MYO16: variants seen among roughly 807,000 people sequenced by gnomAD.
MYO16 encodes myosin XVI, also known as unconventional myosin-XVI.
MYO16 carries 94 observed loss-of-function variants against 205.3 expected under a neutral mutation model. That is an observed-to-expected ratio of 0.46 (90% CI 0.39 to 0.54). MYO16 has a LOEUF of 0.54. MYO16 is among the 20% of genes least tolerant of loss of function. The pLI, the probability that MYO16 is intolerant of heterozygous loss-of-function variation, is 0.00. For synonymous variants in MYO16, 988 were observed against 954.0 expected (o/e 1.04, Z -0.66); for missense variants, 2,315 against 2,387.5 (o/e 0.97, Z 0.63).
the MYO16 span, among the ~76,000 whole-genome samples, chr13:108,557,840 C>T: frequency 6.6e-6 from 1 of 152,124 alleles, no homozygotes. Context: ...ATGAGCATTA[C>T]ATATGCATTT....
intron 32 of MYO16, among the ~76,000 whole-genome samples, chr13:109,144,215 A>G (rs113865551): frequency 7.6e-4 from 115 of 152,180 alleles, no homozygotes; most frequent in African/African-American, 2.7e-3. Context: ...GGGTTTCACC[A>G]TGTTAGCCAG....
At chr13:108,835,864 G>A (rs546145987) in intron 9 of MYO16, among the ~76,000 whole-genome samples, 1 of 152,288 alleles carries the variant, frequency 6.6e-6, no homozygotes, top group South Asian at 2.1e-4. Flanking sequence ...AAGCAGCAAA[G>A]CGTTCAAAAG....
At chr13:108,807,622 C>T (rs184148319) in intron 7 of MYO16, among the ~76,000 whole-genome samples, 16 of 152,160 alleles carry the variant, frequency 1.1e-4, no homozygotes, top group Non-Finnish European at 2.1e-4. Flanking sequence ...TCAGTTTCTT[C>T]GAGGCTATCC....
chr13:108,726,626 A>G (rs991462299), intron 3 of MYO16, among the ~76,000 whole-genome samples: 1 of 152,150 alleles, frequency 6.6e-6, no homozygotes, highest in Non-Finnish European at 1.5e-5. Flanking sequence ...GAAGAGGCCA[A>G]TGCAAATAAA....
At chr13:109,033,898 G>A (rs904353496) in intron 23 of MYO16, among the ~76,000 whole-genome samples, 1 of 152,132 alleles carries the variant, frequency 6.6e-6, no homozygotes, top group Non-Finnish European at 1.5e-5. Context: ...CCTTGTAGGA[G>A]AGGAAGATAA....
chr13:108,516,165 A>T, the MYO16 span, among the ~76,000 whole-genome samples: 1 of 151,892 alleles, frequency 6.6e-6, no homozygotes, highest in Non-Finnish European at 1.5e-5. Context: ...CAGGTGTGGG[A>T]TATAGTCTCG....
At chr13:108,508,536 GT>G in the MYO16 span, among the ~76,000 whole-genome samples, 1 of 152,104 alleles carries the variant, frequency 6.6e-6, no homozygotes, top group East Asian at 1.9e-4. Flanking sequence ...AAGTATGCAA[GT>G]TTTGTCAGTA....
At chr13:108,519,490 G>C in the MYO16 span, among the ~76,000 whole-genome samples, 1 of 151,498 alleles carries the variant, frequency 6.6e-6, no homozygotes, top group African/African-American at 2.4e-5. Context: ...TAGTGGTTCT[G>C]TTCTCTTGAT....
intron 3 of MYO16, among the ~76,000 whole-genome samples, chr13:108,712,989 A>G (rs1000036096): frequency 1.3e-5 from 2 of 152,224 alleles, no homozygotes; most frequent in Admixed American, 6.5e-5. Context: ...ATAATATTGT[A>G]TCAATTATAC....
Position 109,047,868 on chromosome 13 carries a change from C to A in MYO16, c.2872+877C>A, listed in dbSNP as rs145064117. 3.0e-4 allele frequency among the ~76,000 whole-genome samples: 46 copies of A among 152,178 alleles called. No homozygotes were observed. In the East Asian group the frequency reaches 7.5e-3, roughly 25 times the overall value. ...TTTGCCTCAAATTACAGCAGCACAG[C>A]TGTAATACACTGTTTTTCACTGAAG... On this transcript the variant is annotated intron_variant, in intron 24 of 34. Coordinates refer to ENST00000457511, the MANE Select transcript of MYO16 (RefSeq NM_001198950.3).
intron 22 of MYO16, among the ~76,000 whole-genome samples, chr13:109,010,203 A>T (rs929745705): frequency 1.3e-5 from 2 of 152,214 alleles, no homozygotes; most frequent in African/African-American, 4.8e-5. Flanking sequence ...CATGGAGTAG[A>T]GCCATGCAAT....
chr13:108,517,132 A>G, the MYO16 span, among the ~76,000 whole-genome samples: 1 of 152,002 alleles, frequency 6.6e-6, no homozygotes, highest in East Asian at 1.9e-4. Flanking sequence ...ATTTCACTAT[A>G]TTTCTCAGAC....
chr13:109,166,521 G>T (rs1252354865), intron 33 of MYO16: 4 of 152,198 alleles, frequency 2.6e-5, no homozygotes, highest in Non-Finnish European at 5.9e-5. Flanking sequence ...AAAGAAGAGG[G>T]AGCGCATGAG....
chr13:108,592,086 A>G (rs1408506505), upstream of MYO16, among the ~76,000 whole-genome samples: 4 of 27,282 alleles, frequency 1.5e-4, no homozygotes, highest in Admixed American at 5.0e-4. Context: ...GTGGGGGTGG[A>G]GGTGCAGGGG....
At chr13:108,528,590 C>A in the MYO16 span, among the ~76,000 whole-genome samples, 6 of 35,352 alleles carry the variant, frequency 1.7e-4, no homozygotes, top group South Asian at 1.7e-3. Flanking sequence ...TCCCCTTTCC[C>A]CTCCTCTCCC....
intron 22 of MYO16, among the ~76,000 whole-genome samples, chr13:109,010,079 C>A (rs922648498): frequency 6.6e-6 from 1 of 152,162 alleles, no homozygotes; most frequent in Non-Finnish European, 1.5e-5. Flanking sequence ...ACCTATTTGT[C>A]CCTGGCCCTG....
At chr13:108,877,617 C>T (rs931819528) in intron 12 of MYO16, among the ~76,000 whole-genome samples, 6 of 152,142 alleles carry the variant, frequency 3.9e-5, no homozygotes, top group South Asian at 2.1e-4. Flanking sequence ...TGAAATAGCA[C>T]GAGAGAGCTT....
the MYO16 span, among the ~76,000 whole-genome samples, chr13:108,559,885 A>C: frequency 4.7e-4 from 71 of 152,250 alleles, no homozygotes; most frequent in Middle Eastern, 3.4e-3. Context: ...CATACCTAGA[A>C]ATCAAAAGCT....
intron 3 of MYO16, among the ~76,000 whole-genome samples, chr13:108,715,892 G>T (rs543507585): frequency 6.6e-6 from 1 of 152,056 alleles, no homozygotes; most frequent in Non-Finnish European, 1.5e-5. Flanking sequence ...CCACAATGGG[G>T]TATAATTAAT....
Sources: gnomAD v4.1 joint callset for allele counts (sites outside exome capture counted in the v4.1 genomes callset) on GRCh38, gnomAD v4.1.1 for gene constraint, MANE v1.5 for transcripts, NCBI Gene and HGNC (gene_info 2026-07-23, HGNC 2026-07-21) for gene names.